HDGF: variants seen among roughly 807,000 people sequenced by gnomAD.
The protein encoded by HDGF is hepatoma-derived growth factor.
In HDGF, 5 loss-of-function variants were observed where a neutral mutation model predicts 30.0. The ratio of observed to expected loss-of-function variants is 0.17; its 90% CI spans 0.09 to 0.35. HDGF has a LOEUF of 0.35. Ranked by LOEUF, HDGF falls within the 10% of genes least tolerant of loss-of-function variation. The probability of loss-of-function intolerance (pLI) is 1.00; values close to 1 mark genes in which losing one functional copy is unlikely to be tolerated. For missense variants in HDGF, 214 were observed against 302.8 expected, an observed-to-expected ratio of 0.71 and a Z score of 2.18; for synonymous variants, 133 against 112.7, an observed-to-expected ratio of 1.18 and a Z score of -1.14.
upstream of HDGF, chr1:156,755,610 C>G (rs957600013): frequency 7.9e-5 from 12 of 152,180 alleles, no homozygotes; most frequent in African/African-American, 2.9e-4. Flanking sequence ...GGGTTTTGGC[C>G]CTCAACACTG....
At chr1:156,765,619 C>T (rs562159545) in intron 1 of HDGF, among the ~76,000 whole-genome samples, 146 of 151,168 alleles carry the variant, frequency 9.7e-4, no homozygotes, top group South Asian at 1.3e-3. Context: ...AGCTTACAGG[C>T]GCCCGCCACC....
chr1:156,759,692 G>A (rs143231546), intron 1 of HDGF, among the ~76,000 whole-genome samples: 6,596 of 152,140 alleles, frequency 0.043, 181 homozygotes, highest in African/African-American at 0.069. Context: ...TTGTTGGTCA[G>A]GCTGGTCTCA....
At chr1:156,760,270 TC>T (rs1462968088) in intron 1 of HDGF, among the ~76,000 whole-genome samples, 3 of 152,170 alleles carry the variant, frequency 2.0e-5, no homozygotes, top group Admixed American at 6.5e-5. Flanking sequence ...TTCAGCCCTT[TC>T]CTGCAAGGAT....
chr1:156,744,963 C>G (rs1442954762), intron 3 of HDGF, 45 bp downstream of exon 3: 1 of 1,609,808 alleles, frequency 6.2e-7, no homozygotes, highest in Non-Finnish European at 8.5e-7. Flanking sequence ...GAGCCCACAG[C>G]CACATCTGCT....
At chr1:156,748,735 G>A (rs1024403172) in intron 1 of HDGF, among the ~76,000 whole-genome samples, 4 of 152,214 alleles carry the variant, frequency 2.6e-5, no homozygotes, top group Admixed American at 2.6e-4. Context: ...GAAGGCAGCA[G>A]GGAAGGCTAA....
intron 1 of HDGF, 86 bp from the exon 2 acceptor site, chr1:156,745,459 T>C: frequency 1.7e-6 from 2 of 1,156,066 alleles, no homozygotes; most frequent in African/African-American, 3.1e-5. Context: ...GGCACATTTA[T>C]ATAAAATCAG....
At chr1:156,745,840 C>G (rs1227734740) in intron 1 of HDGF, among the ~76,000 whole-genome samples, 2 of 152,238 alleles carry the variant, frequency 1.3e-5, no homozygotes, top group Non-Finnish European at 2.9e-5. Flanking sequence ...TCTGCCCCCA[C>G]TTGTATGACT....
At position 156,751,493 on chromosome 1, in the gene HDGF, T is replaced by G; in HGVS notation, c.-64A>C. 7.9e-7 allele frequency: 1 copy of G among 1,263,582 alleles called. No homozygotes were observed. Among genetic ancestry groups the G allele is most frequent in the Non-Finnish European group, 1.0e-6 (1 of 993,032 alleles). 78.3% of individuals were successfully genotyped at this position (1,263,582 alleles called of 1,614,324 possible). A position where few individuals can be genotyped will look rare whatever the true frequency, so the allele number is the denominator to read the frequency against. On this transcript the variant is annotated 5_prime_UTR_variant, in exon 1 of 6. Transcript: ENST00000357325. The surrounding 1 kb of genome is among the most constrained non-coding windows in gnomAD (Gnocchi z 4.7). ...GGAAGCGCGAGCCCAAGTTTGCGCG[T>G]GCGGCGGTGGCGGCGCCGCTCCGCT...
chr1:156,748,726 A>G (rs904207833), intron 1 of HDGF, among the ~76,000 whole-genome samples: 1 of 152,118 alleles, frequency 6.6e-6, no homozygotes, highest in African/African-American at 2.4e-5. Context: ...AGCACTTAGG[A>G]AGGCAGCAGG....
At chr1:156,748,087 G>A (rs1446281656) in intron 1 of HDGF, among the ~76,000 whole-genome samples, 1 of 152,116 alleles carries the variant, frequency 6.6e-6, no homozygotes, top group East Asian at 1.9e-4. Context: ...GAAGACAGGG[G>A]CCTGAGCAGA....
chr1:156,745,678 A>C (rs1246674236), intron 1 of HDGF, among the ~76,000 whole-genome samples: 5 of 152,104 alleles, frequency 3.3e-5, no homozygotes, highest in Non-Finnish European at 7.4e-5. Context: ...CATTCTCCAC[A>C]ATCTATTCTC....
At chr1:156,758,655 G>GT (rs1651195624) in intron 2 of HDGF, among the ~76,000 whole-genome samples, 1 of 151,200 alleles carries the variant, frequency 6.6e-6, no homozygotes, top group South Asian at 2.1e-4. Context: ...GTGGGTGCCT[G>GT]TAATCCCAGC....
intron 1 of HDGF, among the ~76,000 whole-genome samples, chr1:156,748,876 A>C (rs1650777428): frequency 6.6e-6 from 1 of 152,212 alleles, no homozygotes; most frequent in Non-Finnish European, 1.5e-5. Flanking sequence ...CAAGAGGCAG[A>C]AAAGAGAAGG....
In HDGF at chr1:156,751,265, C is replaced by G. The variant is rs1239775933; in HGVS notation, c.87+78G>C. ...TGCCCCCACCTCTGCCCGCTCCGCG[C>G]GGAGCGCTCGTGCCCTTCCCGGTGT... On this transcript the variant is annotated intron_variant, in intron 1 of 5. Coordinates refer to ENST00000357325, the MANE Select transcript of HDGF (RefSeq NM_004494.3). The surrounding 1 kb of genome is among the most constrained non-coding windows in gnomAD (Gnocchi z 4.7). The G allele has an allele frequency of 9.2e-6, 14 of 1,519,558 alleles. No individual in the cohort carries two copies. Among genetic ancestry groups the G allele is most frequent in the Non-Finnish European group, 1.2e-5 (13 of 1,127,744 alleles). 94.1% of individuals were successfully genotyped at this position (1,519,558 alleles called of 1,614,324 possible).
upstream of HDGF, among the ~76,000 whole-genome samples, chr1:156,754,088 G>A (rs955867853): frequency 1.3e-5 from 2 of 151,980 alleles, no homozygotes; most frequent in Admixed American, 6.6e-5. Flanking sequence ...GCTAATTTTT[G>A]TATTTTTAGT....
At chr1:156,766,480 A>G (rs1360153069) in intron 1 of HDGF, among the ~76,000 whole-genome samples, 2 of 152,214 alleles carry the variant, frequency 1.3e-5, no homozygotes, top group African/African-American at 2.4e-5. Flanking sequence ...AGATGGGTAA[A>G]CAAGAAAAGG....
chr1:156,758,136 A>G (rs1356405299), intron 2 of HDGF, among the ~76,000 whole-genome samples: 1 of 151,962 alleles, frequency 6.6e-6, no homozygotes, highest in African/African-American at 2.4e-5. Context: ...CATCTCTACT[A>G]AAAATTCAAA....
intron 1 of HDGF, chr1:156,759,305 A>G (rs1214011586): frequency 6.6e-6 from 1 of 152,210 alleles, no homozygotes. Context: ...CCTTAGAGGC[A>G]GAAATATTGT....
chr1:156,767,323 G>A (rs1322495422), upstream of HDGF, among the ~76,000 whole-genome samples: 1 of 152,092 alleles, frequency 6.6e-6, no homozygotes. Context: ...GTTAGGCGAC[G>A]AAAAAAACTA....
Sources: allele counts gnomAD v4.1 joint callset (sites outside exome capture counted in the v4.1 genomes callset), GRCh38; gene constraint gnomAD v4.1.1; non-coding constraint Gnocchi (gnomAD v3.1); transcripts MANE v1.5; gene names NCBI Gene and HGNC (gene_info 2026-07-23, HGNC 2026-07-21).